Variants in BYSL observed in about 807,000 individuals in gnomAD.
BYSL encodes the protein bystin.
In BYSL, 21 loss-of-function variants were observed where a neutral mutation model predicts 45.4. That is an observed-to-expected ratio of 0.46 (90% CI 0.33 to 0.67). BYSL has a LOEUF of 0.67. Ranked by LOEUF, BYSL falls within the 30% of genes least tolerant of loss-of-function variation. The pLI is 0.02. For missense variants in BYSL, 522 were observed against 578.5 expected (o/e 0.90, Z 1.00); for synonymous variants, 215 against 231.3 (o/e 0.93, Z 0.64).
the BYSL span, among the ~76,000 whole-genome samples, chr6:41,911,772 G>T: frequency 6.6e-6 from 1 of 151,992 alleles, no homozygotes; most frequent in African/African-American, 2.4e-5. Flanking sequence ...GATCCTCCAG[G>T]CCACATCCCT....
chr6:41,914,423 A>G, the BYSL span, among the ~76,000 whole-genome samples: 86 of 152,334 alleles, frequency 5.6e-4, no homozygotes, highest in East Asian at 0.015. Flanking sequence ...ATCTAAGGGA[A>G]ACAGGTACAT....
chr6:41,922,184 C>A (rs1316853582), intron 1 of BYSL, among the ~76,000 whole-genome samples: 3 of 152,182 alleles, frequency 2.0e-5, no homozygotes. Flanking sequence ...GCACGTCTAA[C>A]TTAAGGACCT....
the BYSL span, chr6:41,909,309 G>C: frequency 6.2e-7 from 1 of 1,614,050 alleles, no homozygotes; most frequent in South Asian, 1.1e-5. Context: ...CATTGTGACC[G>C]TGCCCACCTT....
In BYSL at chr6:41,925,411, T is replaced by C. The variant is rs181794745; in HGVS notation, c.269-1963T>C. ...CGGAGTCTCGCTCTGTCGCCCAGGCTGGAGTGCAGTGGCACGATCTTGGCT... is the reference window on the plus strand; with the variant it reads ...CGGAGTCTCGCTCTGTCGCCCAGGCCGGAGTGCAGTGGCACGATCTTGGCT... On this transcript the variant is annotated intron_variant, in intron 1 of 6. Transcript: ENST00000230340. Among the ~76,000 whole-genome samples, 1,456 of 151,966 alleles carry C rather than the reference T, an allele frequency of 9.6e-3. 18 individuals carry two copies. Among genetic ancestry groups the C allele is most frequent in the African/African-American group, 0.034 (1,395 of 41,410 alleles).
At chr6:41,916,151 G>C in the BYSL span, among the ~76,000 whole-genome samples, 1 of 151,840 alleles carries the variant, frequency 6.6e-6, no homozygotes, top group Non-Finnish European at 1.5e-5. Context: ...AGGAGGCCAA[G>C]GTGGAAGGAT....
rs747035538 is a variant in BYSL, at chr6:41,931,748, G to A, written c.886G>A (p.Glu296Lys). The stretch of plus-strand genomic sequence containing the variant: ...CCTAGGGATCCTGATTCCACTGTGC[G>A]AGTCTGGCACTTGTACCCTCCGGGA... ...WFKGILIPLCESGTCTLREAI... is the reference protein window; with the variant it reads ...WFKGILIPLCKSGTCTLREAI... The change falls in exon 6 of 7, where the codon GAG becomes AAG. Residue 296 changes from glutamate to lysine, a missense_variant. Glu to Lys is a moderately conservative substitution (Grantham distance 56). Transcript: ENST00000230340. The A allele has an allele frequency of 6.2e-7, 1 of 1,614,146 alleles. No homozygotes were observed. Among genetic ancestry groups the A allele is most frequent in the Non-Finnish European group, 8.5e-7 (1 of 1,180,014 alleles).
intron 3 of BYSL, 81 bp downstream of exon 3, chr6:41,930,351 C>A: frequency 6.5e-7 from 1 of 1,533,338 alleles, no homozygotes; most frequent in Non-Finnish European, 8.8e-7. Flanking sequence ...TGCCTTTTGC[C>A]TGCATCACAT....
the BYSL span, among the ~76,000 whole-genome samples, chr6:41,915,678 T>C: frequency 5.3e-5 from 8 of 151,718 alleles, no homozygotes; most frequent in Non-Finnish European, 8.8e-5. Flanking sequence ...TCCCAGCTAC[T>C]TGGGAGGCTG....
the BYSL span, among the ~76,000 whole-genome samples, chr6:41,912,053 C>CTT: frequency 3.1e-4 from 44 of 143,924 alleles, no homozygotes; most frequent in African/African-American, 1.1e-3. Context: ...TCCTTTTCTT[C>CTT]TTTTTTTTTT....
At chr6:41,917,667 C>T, upstream of BYSL, 1 of 430,222 alleles carries the variant, frequency 2.3e-6, no homozygotes, top group South Asian at 1.6e-5. Context: ...GCCAAAGATT[C>T]TAGATGACAC....
intron 1 of BYSL, among the ~76,000 whole-genome samples, chr6:41,922,718 G>T (rs1775503920): frequency 6.6e-6 from 1 of 152,166 alleles, no homozygotes; most frequent in African/African-American, 2.4e-5. Flanking sequence ...TTATAGTCTA[G>T]CCCTGATCTC....
the BYSL span, among the ~76,000 whole-genome samples, chr6:41,910,509 G>A: frequency 2.0e-5 from 3 of 151,866 alleles, no homozygotes; most frequent in African/African-American, 7.3e-5. Context: ...GTGCACGCCT[G>A]TAATCCCAGC....
the BYSL span, among the ~76,000 whole-genome samples, chr6:41,915,216 T>C: frequency 6.6e-6 from 1 of 151,506 alleles, no homozygotes; most frequent in Non-Finnish European, 1.5e-5. Context: ...GGCAGATCCC[T>C]TGAGCTCAGG....
upstream of BYSL, chr6:41,916,729 A>T (rs1023612369): frequency 1.3e-6 from 2 of 1,591,984 alleles, no homozygotes; most frequent in Non-Finnish European, 1.7e-6. Context: ...AATTAACTCA[A>T]ATGTCTCTTA....
the BYSL span, among the ~76,000 whole-genome samples, chr6:41,916,240 A>C: frequency 1.3e-5 from 2 of 150,644 alleles, no homozygotes; most frequent in African/African-American, 4.9e-5. Flanking sequence ...GACTGAGCAA[A>C]ACCCTATCTC....
At chr6:41,926,145 A>T (rs1775560761) in intron 1 of BYSL, among the ~76,000 whole-genome samples, 1 of 152,184 alleles carries the variant, frequency 6.6e-6, no homozygotes, top group African/African-American at 2.4e-5. Flanking sequence ...CTGCGTCTGG[A>T]ACACACTCCT....
intron 1 of BYSL, among the ~76,000 whole-genome samples, chr6:41,923,299 G>A (rs1775517704): frequency 6.7e-6 from 1 of 148,386 alleles, no homozygotes; most frequent in Admixed American, 6.7e-5. Context: ...GTGCCACCAT[G>A]TCCAACTAAT....
chr6:41,931,358 G>T (rs143422508), intron 4 of BYSL, 38 bp from the exon 5 acceptor site: 29 of 1,611,578 alleles, frequency 1.8e-5, no homozygotes, highest in Non-Finnish European at 2.5e-5. Context: ...CCAGACTGTC[G>T]TGTGAGTTGG....
At position 41,930,239 on chromosome 6, in the gene BYSL, G is replaced by C. The variant is rs146819393; in HGVS notation, c.539G>C (p.Arg180Pro). The C allele has an allele frequency of 1.2e-6, 2 of 1,614,046 alleles. No individual in the cohort carries two copies. Among genetic ancestry groups the C allele is most frequent in the African/African-American group, 1.3e-5 (1 of 74,924 alleles). ...TTCCCTATGCCCCAGCTGGACCCCC[G>C]GGTCCTAGAAGTGTACAGGGGGGTC... Reference protein sequence around the residue: ...SGFPMPQLDPRVLEVYRGVRE... With the variant: ...SGFPMPQLDPPVLEVYRGVRE... The change falls in exon 3 of 7, where the codon CGG (arginine) becomes CCG (proline). Residue 180 changes from arginine (R) to proline (P), a missense_variant. Arg to Pro is a moderately radical substitution (Grantham distance 103). Coordinates refer to ENST00000230340, the MANE Select transcript of BYSL (RefSeq NM_004053.4).
Sources: gnomAD v4.1 joint callset for allele counts (sites outside exome capture counted in the v4.1 genomes callset) on GRCh38, gnomAD v4.1.1 for gene constraint, MANE v1.5 for transcripts, NCBI Gene and HGNC (gene_info 2026-07-23, HGNC 2026-07-21) for gene names.